The following IFTAP variants were observed in gnomAD, a reference collection of about 807,000 sequenced individuals.
The protein encoded by IFTAP is intraflagellar transport associated protein.
In IFTAP, 19 loss-of-function variants were observed where a neutral mutation model predicts 19.4. The observed-to-expected ratio is 0.98, with a 90% CI of 0.68 to 1.44. The LOEUF is 1.44. IFTAP is among the 40% of genes most tolerant of loss of function. The pLI is 0.00. For synonymous variants in IFTAP, 85 were observed against 83.5 expected, an observed-to-expected ratio of 1.02 and a Z score of -0.10; for missense variants, 240 against 253.6, an observed-to-expected ratio of 0.95 and a Z score of 0.36.
chr11:36,659,213 G>T lies in IFTAP; in HGVS notation c.*27G>T. On this transcript the variant is annotated 3_prime_UTR_variant, in exon 6 of 6. Coordinates refer to ENST00000334307, the MANE Select transcript of IFTAP (RefSeq NM_138787.4). The stretch of plus-strand genomic sequence containing the variant: ...TCACAGAGGCATTTTGTGTGTGTGT[G>T]CTTATTTTAATTTTGTTCTTATTCT... The T allele has an allele frequency of 6.6e-7, 1 of 1,510,528 alleles. No homozygotes were observed. The highest frequency in any genetic ancestry group is 8.8e-7 in the Non-Finnish European group (1 of 1,131,458). The allele number at this position is 1,510,528 out of a possible 1,614,324, so 93.6% of individuals were successfully genotyped here.
intron 1 of IFTAP, among the ~76,000 whole-genome samples, chr11:36,607,664 A>AT (rs1182390054): frequency 6.9e-6 from 1 of 144,562 alleles, no homozygotes; most frequent in African/African-American, 2.8e-5. Flanking sequence ...TACAGTTGTA[A>AT]TCCCCCCTTT....
intron 2 of IFTAP, among the ~76,000 whole-genome samples, chr11:36,619,119 A>AT (rs554288330): frequency 9.1e-4 from 137 of 150,504 alleles, no homozygotes; most frequent in African/African-American, 3.1e-3. Flanking sequence ...GAGTCTTTTA[A>AT]TTTTTTTTTT....
In IFTAP at chr11:36,644,318, A is replaced by AAAT. The variant is rs1288774950; in HGVS notation, c.359-3698_359-3697insAAT. Among the ~76,000 whole-genome samples, 4 of 152,312 alleles carry AAAT rather than the reference A, an allele frequency of 2.6e-5. No individual in the cohort carries two copies. In the East Asian group the frequency reaches 7.7e-4, roughly 29 times the overall value. ...AATGAGATACCATCTCACACCAGTT[A>AAAT]GAATGGTGATCATTAAAAAGTCAGG... On this transcript the variant is annotated intron_variant, in intron 4 of 5. Coordinates refer to ENST00000334307, the MANE Select transcript of IFTAP (RefSeq NM_138787.4).
chr11:36,603,102 G>A (rs995236344), intron 1 of IFTAP, among the ~76,000 whole-genome samples: 6 of 152,094 alleles, frequency 3.9e-5, no homozygotes, highest in African/African-American at 1.4e-4. Context: ...GACATTTCTG[G>A]ATTGACTTAA....
intron 2 of IFTAP, among the ~76,000 whole-genome samples, chr11:36,611,462 G>A (rs1851873036): frequency 1.3e-5 from 2 of 151,938 alleles, no homozygotes; most frequent in Admixed American, 6.6e-5. Flanking sequence ...AATCTCTGAG[G>A]TCATGACACT....
rs565320720 is a variant in IFTAP at position 36,658,916 on chromosome 11, T to G, written c.499-103T>G. 4.0e-5 allele frequency: 34 copies of G among 846,024 alleles called. No individual in the cohort carries two copies. In the African/African-American group the frequency reaches 6.0e-4, roughly 15 times the overall value. 52.4% of individuals were successfully genotyped at this position (846,024 alleles called of 1,614,324 possible). The stretch of plus-strand genomic sequence containing the variant: ...TTAATCAGCTGAGAGTGCTGAAGTC[T>G]GAAAAAAGGTTTAATTAAATATTAA... On this transcript the variant is annotated intron_variant, in intron 5 of 5. Coordinates refer to ENST00000334307, the MANE Select transcript of IFTAP (RefSeq NM_138787.4).
At chr11:36,650,316 G>A (rs966295766) in intron 5 of IFTAP, among the ~76,000 whole-genome samples, 4 of 151,962 alleles carry the variant, frequency 2.6e-5, no homozygotes, top group African/African-American at 9.7e-5. Context: ...TGCCTATTAA[G>A]ATTCCATCAA....
intron 5 of IFTAP, among the ~76,000 whole-genome samples, chr11:36,652,755 A>C (rs755105625): frequency 2.6e-5 from 4 of 152,154 alleles, no homozygotes; most frequent in Non-Finnish European, 5.9e-5. Context: ...GAGAGTTTTT[A>C]GCATGAAGGG....
At chr11:36,610,417 C>T (rs897625961) in intron 2 of IFTAP, among the ~76,000 whole-genome samples, 178 bp downstream of exon 2, 11 of 152,112 alleles carry the variant, frequency 7.2e-5, no homozygotes, top group African/African-American at 2.4e-4. Flanking sequence ...GATATAAATA[C>T]CAGTCTTCAT....
chr11:36,602,505 A>T (rs1851544626), intron 1 of IFTAP, among the ~76,000 whole-genome samples: 1 of 152,180 alleles, frequency 6.6e-6, no homozygotes, highest in Non-Finnish European at 1.5e-5. Context: ...ATTAGGTTTG[A>T]GCTAATAAAT....
At chr11:36,630,326 T>C (rs1338422750) in intron 2 of IFTAP, among the ~76,000 whole-genome samples, 1 of 151,468 alleles carries the variant, frequency 6.6e-6, no homozygotes, top group African/African-American at 2.5e-5. Flanking sequence ...ATAGCATATA[T>C]TCTTGTGAAA....
intron 5 of IFTAP, 127 bp from the exon 6 acceptor site, chr11:36,658,892 T>C: frequency 1.6e-6 from 1 of 626,546 alleles, no homozygotes. Context: ...AAAAACAGCT[T>C]AATCAGCTGA....
At chr11:36,629,752 G>A (rs988308884) in intron 2 of IFTAP, among the ~76,000 whole-genome samples, 1 of 151,030 alleles carries the variant, frequency 6.6e-6, no homozygotes, top group African/African-American at 2.5e-5. Context: ...AGGTGTGGTG[G>A]GGGCCTTGTA....
intron 2 of IFTAP, among the ~76,000 whole-genome samples, chr11:36,610,600 A>G (rs1479507991): frequency 6.6e-6 from 1 of 152,188 alleles, no homozygotes; most frequent in East Asian, 1.9e-4. Context: ...AGTATAGACT[A>G]TGGGATTACA....
At chr11:36,650,441 A>T (rs1234310392) in intron 5 of IFTAP, among the ~76,000 whole-genome samples, 1 of 151,726 alleles carries the variant, frequency 6.6e-6, no homozygotes, top group Non-Finnish European at 1.5e-5. Flanking sequence ...ATATTTTGGT[A>T]CTATATATGT....
chr11:36,642,587 A>G (rs1049794331), intron 4 of IFTAP, among the ~76,000 whole-genome samples: 1 of 152,186 alleles, frequency 6.6e-6, no homozygotes, highest in Non-Finnish European at 1.5e-5. Flanking sequence ...TCCCTCATGA[A>G]CATCGATGCA....
intron 2 of IFTAP, among the ~76,000 whole-genome samples, chr11:36,613,249 C>A (rs1023142623): frequency 1.3e-5 from 2 of 151,878 alleles, no homozygotes; most frequent in South Asian, 4.1e-4. Context: ...GTCTCAGTTT[C>A]TCTGTGAATG....
intron 2 of IFTAP, among the ~76,000 whole-genome samples, chr11:36,624,363 CA>C (rs1433062440): frequency 6.6e-6 from 1 of 152,098 alleles, no homozygotes; most frequent in East Asian, 1.9e-4. Flanking sequence ...AAGTTTGTGT[CA>C]ATGAGATGTG....
At chr11:36,620,652 A>G (rs10836578) in intron 2 of IFTAP, among the ~76,000 whole-genome samples, 9,800 of 152,046 alleles carry the variant, frequency 0.064, 356 homozygotes, top group Non-Finnish European at 0.077. Context: ...TTTACATGTA[A>G]TTGGATAAGG....
Sources: gnomAD v4.1 joint callset for allele counts (sites outside exome capture counted in the v4.1 genomes callset) on GRCh38, gnomAD v4.1.1 for gene constraint, MANE v1.5 for transcripts, NCBI Gene and HGNC (gene_info 2026-07-23, HGNC 2026-07-21) for gene names.